Variants in NPRL3 observed in about 807,000 individuals in gnomAD.
The protein encoded by NPRL3 is NPR3 like, GATOR1 complex subunit.
NPRL3 carries 23 observed loss-of-function variants against 57.2 expected under a neutral mutation model. That is an observed-to-expected ratio of 0.40 (90% CI 0.29 to 0.57). The LOEUF is 0.57. Ranked by LOEUF, NPRL3 falls within the 20% of genes least tolerant of loss-of-function variation. The pLI, the probability that NPRL3 is intolerant of heterozygous loss-of-function variation, is 0.42. For missense variants in NPRL3, 691 were observed against 767.1 expected (o/e 0.90, Z 1.17); for synonymous variants, 333 against 321.1 (o/e 1.04, Z -0.39).
intron 8 of NPRL3, 97 bp from the exon 9 acceptor site, chr16:98,398 C>T (rs1899117894): frequency 1.5e-6 from 2 of 1,359,452 alleles, no homozygotes; most frequent in African/African-American, 2.9e-5. Context: ...GGGTATGCAC[C>T]AGGTCCTGCA....
At chr16:117,836 T>C (rs534769700) in intron 4 of NPRL3, among the ~76,000 whole-genome samples, 3 of 152,230 alleles carry the variant, frequency 2.0e-5, no homozygotes, top group Non-Finnish European at 4.4e-5. Context: ...GTGCTCCCGG[T>C]TCTGGCATCC....
intron 13 of NPRL3, among the ~76,000 whole-genome samples, chr16:87,538 G>C (rs11641169): frequency 0.75 from 110,111 of 146,588 alleles, 41,788 homozygotes; most frequent in South Asian, 0.83. Context: ...TGCCCAGCCT[G>C]CTTTTTTTTT....
chr16:103,691 C>T (rs898425370), intron 7 of NPRL3, among the ~76,000 whole-genome samples: 3 of 152,172 alleles, frequency 2.0e-5, no homozygotes, highest in Non-Finnish European at 2.9e-5. Flanking sequence ...TAGACAGACA[C>T]ATAATTGGCC....
chr16:114,592 T>C (rs1290223680), intron 5 of NPRL3, among the ~76,000 whole-genome samples: 1 of 152,138 alleles, frequency 6.6e-6, no homozygotes, highest in Non-Finnish European at 1.5e-5. Context: ...GACCTCTGGA[T>C]TGGCAGAGAC....
intron 9 of NPRL3, among the ~76,000 whole-genome samples, chr16:94,034 TGGCA>T (rs1567131510): frequency 6.6e-6 from 1 of 151,632 alleles, no homozygotes; most frequent in Admixed American, 6.6e-5. Flanking sequence ...CTGGATGTCC[TGGCA>T]GGGGCACAGC....
intron 2 of NPRL3, among the ~76,000 whole-genome samples, chr16:133,382 C>T (rs1295889720): frequency 1.3e-5 from 2 of 152,026 alleles, no homozygotes; most frequent in Non-Finnish European, 2.9e-5. Flanking sequence ...TGGGCCAACA[C>T]GCCCAGCTAA....
Position 113,467 on chromosome 16 carries a change from G to A in NPRL3, c.394-692C>T, listed in dbSNP as rs560431316. Among the ~76,000 whole-genome samples, 25 of 152,324 alleles carry A rather than the reference G, an allele frequency of 1.6e-4. No homozygotes were observed. In the South Asian group the frequency reaches 5.2e-3, roughly 32 times the overall value. ...GATGACTGGGTCAAAGGACAGTGCAGGAGGCTCTCAGGAACAAGAGGGGCC... is the reference window on the plus strand; with the variant it reads ...GATGACTGGGTCAAAGGACAGTGCAAGAGGCTCTCAGGAACAAGAGGGGCC... On this transcript the variant is annotated intron_variant, in intron 5 of 13. Transcript: ENST00000611875.
rs765772689 is a variant in NPRL3, at chr16:89,745, C to T, written c.1319G>A (p.Ser440Asn). ...GCCAAAGCTGAGGGCGTTGGGCGTGCTGAGGCTGCGACCGCCGACCCGGGC... is the reference window on the plus strand; with the variant it reads ...GCCAAAGCTGAGGGCGTTGGGCGTGTTGAGGCTGCGACCGCCGACCCGGGC... The part of the protein sequence containing the change: ...FTARVGGRSL[S>N]TPNALSFGSP... Residue 440 changes from serine to asparagine, a missense_variant, in exon 12 of 14, where the codon AGC becomes AAC. Transcript: ENST00000611875. 6.3e-7 allele frequency: 1 copy of T among 1,595,060 alleles called. No individual in the cohort carries two copies.
At position 89,906 on chromosome 16, in the gene NPRL3, C is replaced by G. The variant is rs539175375; in HGVS notation, c.1162-4G>C. 1.1e-5 allele frequency: 17 copies of G among 1,543,302 alleles called. No homozygotes were observed. The South Asian group carries it at 1.9e-4, about 17-fold the overall frequency. ...CCACCATCTGGATGAGCTGGGTCTG[C>G]GGGTGGCAGCAGGTGAGGCTGGTCC... On this transcript the variant is annotated splice_region_variant and splice_polypyrimidine_tract_variant and intron_variant, in intron 11 of 13. Transcript: ENST00000611875.
intron 7 of NPRL3, among the ~76,000 whole-genome samples, chr16:107,045 G>A (rs1899561634): frequency 6.6e-6 from 1 of 152,222 alleles, no homozygotes; most frequent in Admixed American, 6.5e-5. Flanking sequence ...CCTGGGGCAA[G>A]CTCCAGGACC....
chr16:92,672 G>A lies in NPRL3; in HGVS notation c.1085C>T (p.Pro362Leu), dbSNP rs763923760. The A allele has an allele frequency of 2.6e-5, 42 of 1,613,732 alleles. No individual in the cohort carries two copies. Among genetic ancestry groups the A allele is most frequent in the Admixed American group, 1.0e-4 (6 of 59,974 alleles). ...CAAGGAGAACTTGGCAAGAACGGACGGCAGGTCATGAGATGGGAACTGGTG... is the reference window on the plus strand; with the variant it reads ...CAAGGAGAACTTGGCAAGAACGGACAGCAGGTCATGAGATGGGAACTGGTG... Reference protein sequence around the residue: ...FSHQFPSHDLPSVLAKFSLPV... With the variant: ...FSHQFPSHDLLSVLAKFSLPV... Residue 362 changes from proline (P) to leucine (L), a missense_variant, in exon 11 of 14, where the codon CCG becomes CTG. Transcript: ENST00000611875.
At chr16:102,448 C>A (rs192249773) in intron 7 of NPRL3, among the ~76,000 whole-genome samples, 1 of 152,178 alleles carries the variant, frequency 6.6e-6, no homozygotes, top group African/African-American at 2.4e-5. Context: ...GCACAGGGAA[C>A]GCAGCCTGTG....
intron 12 of NPRL3, chr16:89,194 G>A: frequency 2.5e-6 from 1 of 405,974 alleles, no homozygotes; most frequent in East Asian, 4.1e-5. Context: ...ACCCAGGATG[G>A]AGGACAAAGC....
At chr16:117,204 G>C (rs1900081518) in intron 5 of NPRL3, 97 bp downstream of exon 5, 10 of 843,850 alleles carry the variant, frequency 1.2e-5, no homozygotes, top group Middle Eastern at 4.5e-4. Flanking sequence ...GCCCGCTGCA[G>C]TCCAAGCTCC....
At chr16:117,692 C>T (rs926896344) in intron 4 of NPRL3, among the ~76,000 whole-genome samples, 4 of 152,208 alleles carry the variant, frequency 2.6e-5, no homozygotes, top group Non-Finnish European at 5.9e-5. Context: ...CCTTCCCGTG[C>T]CCGCCTGCAT....
intron 2 of NPRL3, among the ~76,000 whole-genome samples, chr16:132,366 C>T (rs1412017831): frequency 6.6e-6 from 1 of 152,172 alleles, no homozygotes; most frequent in Non-Finnish European, 1.5e-5. Context: ...CAAGTTTTAT[C>T]GTGAGACTGC....
chr16:128,074 C>T (rs1046021442), intron 3 of NPRL3, among the ~76,000 whole-genome samples: 10 of 151,758 alleles, frequency 6.6e-5, no homozygotes, highest in Non-Finnish European at 1.5e-4. Context: ...TCACTGCAAC[C>T]TCCGCCTCCC....
chr16:131,167 T>C (rs1050361812), intron 2 of NPRL3, among the ~76,000 whole-genome samples: 10 of 152,186 alleles, frequency 6.6e-5, no homozygotes, highest in African/African-American at 2.2e-4. Flanking sequence ...AAACCCCGTC[T>C]CTACTAAAAA....
Position 86,609 on chromosome 16 carries a change from C to CA in NPRL3, c.*95dup, listed in dbSNP as rs1898480164. On this transcript the variant is annotated 3_prime_UTR_variant, in exon 14 of 14. Transcript: ENST00000611875. ...TCCACCCAATGCCAGGCCTCAGGGC[C>CA]AAGAGGGCTCAGCCTCAGCACGGGG... is the stretch of plus-strand genomic sequence containing the variant. 1 of 1,311,412 alleles carries CA rather than the reference C, an allele frequency of 7.6e-7. No homozygotes were observed. The highest frequency in any genetic ancestry group is 1.5e-5 in the African/African-American group (1 of 68,252). The allele number at this position is 1,311,412 out of a possible 1,614,324, so 81.2% of individuals were successfully genotyped here. A position where few individuals can be genotyped will look rare whatever the true frequency, so the allele number is the denominator to read the frequency against.
Sources: allele counts gnomAD v4.1 joint callset (sites outside exome capture counted in the v4.1 genomes callset), GRCh38; gene constraint gnomAD v4.1.1; transcripts MANE v1.5; gene names NCBI Gene and HGNC (gene_info 2026-07-23, HGNC 2026-07-21).